GPHN: variants seen among roughly 807,000 people sequenced by gnomAD.
GPHN encodes the protein gephyrin.
Under a neutral mutation model 95.5 loss-of-function variants are expected in GPHN, and 17 were observed. The ratio of observed to expected loss-of-function variants is 0.18; its 90% confidence interval spans 0.12 to 0.27. The LOEUF (loss-of-function observed/expected upper bound fraction) is 0.27. Among genes scored for constraint, GPHN ranks in the 10% least tolerant of loss-of-function variants. GPHN has a pLI of 1.00. For synonymous variants in GPHN, 320 were observed against 322.5 expected (o/e 0.99, Z 0.08); for missense variants, 660 against 978.1 (o/e 0.67, Z 4.34).
intron 1 of GPHN, among the ~76,000 whole-genome samples, chr14:66,537,660 A>G (rs1212864009): frequency 1.3e-5 from 2 of 152,084 alleles, no homozygotes; most frequent in African/African-American, 4.8e-5. Flanking sequence ...TCATTTTTAC[A>G]GTTCTTTGCT....
At chr14:67,163,125 C>T (rs1254482986) in intron 19 of GPHN, among the ~76,000 whole-genome samples, 2 of 151,814 alleles carry the variant, frequency 1.3e-5, no homozygotes, top group Non-Finnish European at 2.9e-5. Flanking sequence ...GGGCACATAG[C>T]GAGACCTCAT....
At chr14:67,579,175 TGGAGCGGACCCTGCGGACC>T in the GPHN span, 3 of 1,606,910 alleles carry the variant, frequency 1.9e-6, no homozygotes, top group Non-Finnish European at 2.5e-6. Context: ...CAGCGGGCAG[TGGAGCGGACCCTGCGGACC>T]GGGGAGCGGG....
At chr14:66,841,288 G>C (rs1024181575) in intron 4 of GPHN, among the ~76,000 whole-genome samples, 1 of 152,054 alleles carries the variant, frequency 6.6e-6, no homozygotes, top group African/African-American at 2.4e-5. Flanking sequence ...ATTAAGGAAG[G>C]CCTCATTGAT....
the GPHN span, among the ~76,000 whole-genome samples, chr14:67,436,227 G>A: frequency 1.3e-5 from 2 of 152,216 alleles, no homozygotes; most frequent in Non-Finnish European, 2.9e-5. Context: ...CAAGAAGCCT[G>A]GGCAAATGCC....
At chr14:67,357,149 T>C in the GPHN span, among the ~76,000 whole-genome samples, 1 of 152,376 alleles carries the variant, frequency 6.6e-6, no homozygotes, top group South Asian at 2.1e-4. Flanking sequence ...CGTCTTTTAC[T>C]TCCACTCTAC....
At chr14:66,888,110 AT>A (rs1392620608) in intron 5 of GPHN, among the ~76,000 whole-genome samples, 6 of 152,186 alleles carry the variant, frequency 3.9e-5, no homozygotes, top group Non-Finnish European at 8.8e-5. Flanking sequence ...ATATCAAAGA[AT>A]TTTGAGACAA....
the GPHN span, among the ~76,000 whole-genome samples, chr14:67,422,635 A>AC: frequency 6.6e-6 from 1 of 152,222 alleles, no homozygotes; most frequent in Admixed American, 6.5e-5. Flanking sequence ...ATCCCAGTTC[A>AC]CCCCTAACTT....
At chr14:66,880,302 TAA>T (rs1345913310) in intron 5 of GPHN, among the ~76,000 whole-genome samples, 2 of 152,024 alleles carry the variant, frequency 1.3e-5, no homozygotes, top group African/African-American at 4.8e-5. Flanking sequence ...TTTCCAGAGT[TAA>T]GAGCTTTAGT....
chr14:66,742,928 AT>A (rs201711045), intron 2 of GPHN, among the ~76,000 whole-genome samples: 25 of 151,084 alleles, frequency 1.7e-4, no homozygotes, highest in Admixed American at 9.9e-4. Context: ...TGCTTGGCTA[AT>A]TTTTTTTTGT....
chr14:66,873,501 A>C (rs2063527805), intron 4 of GPHN, among the ~76,000 whole-genome samples: 2 of 152,190 alleles, frequency 1.3e-5, no homozygotes, highest in African/African-American at 4.8e-5. Flanking sequence ...CCAGCAAGCT[A>C]AGATCCACTG....
the GPHN span, among the ~76,000 whole-genome samples, chr14:67,451,635 G>A: frequency 1.3e-5 from 2 of 152,168 alleles, no homozygotes; most frequent in East Asian, 3.8e-4. Flanking sequence ...CTCCCATTTG[G>A]AATGGCTGTA....
chr14:67,253,953 A>ATT, the GPHN span, among the ~76,000 whole-genome samples: 5 of 138,650 alleles, frequency 3.6e-5, no homozygotes, highest in Admixed American at 1.5e-4. Context: ...TTGTGTTAAT[A>ATT]TTTTGTTTTG....
At chr14:67,276,699 T>A in the GPHN span, among the ~76,000 whole-genome samples, 1 of 152,166 alleles carries the variant, frequency 6.6e-6, no homozygotes, top group African/African-American at 2.4e-5. Flanking sequence ...CCTGGGGAGA[T>A]AACCAAAATG....
At chr14:67,702,419 T>G in the GPHN span, among the ~76,000 whole-genome samples, 1 of 152,198 alleles carries the variant, frequency 6.6e-6, no homozygotes, top group Non-Finnish European at 1.5e-5. Flanking sequence ...CCAACAATAT[T>G]AAATTAGTCT....
chr14:67,496,851 A>G, the GPHN span, among the ~76,000 whole-genome samples: 1 of 149,490 alleles, frequency 6.7e-6, no homozygotes, highest in Non-Finnish European at 1.5e-5. Flanking sequence ...AGGCTGGGGT[A>G]CAGTGGCGCA....
chr14:67,225,962 TGC>T, the GPHN span, among the ~76,000 whole-genome samples: 1,683 of 113,506 alleles, frequency 0.015, 48 homozygotes, highest in East Asian at 0.16. Context: ...TGTGTGTGTG[TGC>T]GCGCGCGCGC....
At chr14:67,453,679 C>T in the GPHN span, among the ~76,000 whole-genome samples, 3 of 152,126 alleles carry the variant, frequency 2.0e-5, no homozygotes, top group East Asian at 1.9e-4. Flanking sequence ...TGAGAAGCAG[C>T]GGGTGGAGAG....
At chr14:66,737,354 T>C (rs570486327) in intron 2 of GPHN, among the ~76,000 whole-genome samples, 2 of 152,298 alleles carry the variant, frequency 1.3e-5, no homozygotes, top group South Asian at 4.1e-4. Context: ...GAAACCACTT[T>C]CAATTTTGGG....
intron 21 of GPHN, 40 bp from the exon 22 acceptor site, chr14:67,179,538 A>C: frequency 3.6e-6 from 4 of 1,124,096 alleles, no homozygotes; most frequent in Non-Finnish European, 5.5e-6. Context: ...TGAGATGATC[A>C]GGTGACCAAG....
Sources: gnomAD v4.1 joint callset for allele counts (sites outside exome capture counted in the v4.1 genomes callset) on GRCh38, gnomAD v4.1.1 for gene constraint, MANE v1.5 for transcripts, NCBI Gene and HGNC (gene_info 2026-07-23, HGNC 2026-07-21) for gene names.